Variants in SIK2 observed in about 807,000 individuals in gnomAD.
SIK2 encodes salt inducible kinase 2.
A neutral mutation model predicts 103.2 loss-of-function variants in SIK2; 29 were observed. The ratio of observed to expected loss-of-function variants is 0.28; its 90% CI spans 0.21 to 0.38. The LOEUF (loss-of-function observed/expected upper bound fraction) is 0.38. SIK2 is among the 10% of genes least tolerant of loss of function. SIK2 has a pLI of 1.00. For synonymous variants in SIK2, 412 were observed against 446.1 expected, an observed-to-expected ratio of 0.92 and a Z score of 0.96; for missense variants, 879 against 1,171.0, an observed-to-expected ratio of 0.75 and a Z score of 3.64.
chr11:111,607,111 CA>C, intron 1 of SIK2, among the ~76,000 whole-genome samples: 1 of 152,118 alleles, frequency 6.6e-6, no homozygotes, highest in Non-Finnish European at 1.5e-5. Flanking sequence ...AGCTAAAGAG[CA>C]TGTAAATGTA....
intron 3 of SIK2, among the ~76,000 whole-genome samples, chr11:111,663,453 G>A (rs976847949): frequency 6.6e-6 from 1 of 152,154 alleles, no homozygotes; most frequent in Non-Finnish European, 1.5e-5. Context: ...GGGAGGCGTG[G>A]TGAGGCATGG....
At chr11:111,669,839 A>C (rs1942600786) in intron 3 of SIK2, among the ~76,000 whole-genome samples, 3 of 152,108 alleles carry the variant, frequency 2.0e-5, no homozygotes, top group Non-Finnish European at 4.4e-5. Context: ...CACTGGCCAT[A>C]GTCTATCTTT....
At chr11:111,668,192 G>T (rs892421090) in intron 3 of SIK2, among the ~76,000 whole-genome samples, 3 of 151,816 alleles carry the variant, frequency 2.0e-5, no homozygotes, top group African/African-American at 7.3e-5. Context: ...GTGTGTGTGT[G>T]TGTGTGTGTG....
Position 111,710,445 on chromosome 11 carries a change from T to C in SIK2, c.1102-1766T>C, listed in dbSNP as rs114178963. Among the ~76,000 whole-genome samples, 1,050 of 152,330 alleles carry C rather than the reference T, an allele frequency of 6.9e-3. 13 individuals carry two copies. Among genetic ancestry groups the C allele is most frequent in the African/African-American group, 0.024 (1,006 of 41,574 alleles). ...TATTAATATTGGAATATACCAAATATAAAGTATGTTGAAAATATATTCAGA... is the reference window on the plus strand; with the variant it reads ...TATTAATATTGGAATATACCAAATACAAAGTATGTTGAAAATATATTCAGA... On this transcript the variant is annotated intron_variant, in intron 8 of 14. Coordinates refer to ENST00000304987, the MANE Select transcript of SIK2 (RefSeq NM_015191.3).
rs1944010085 is a variant in SIK2, at chr11:111,727,458, CTT to C, written c.*3330_*3331del. The C allele has an allele frequency of 9.9e-6, 2 of 202,640 alleles. No individual in the cohort carries two copies. Among genetic ancestry groups the C allele is most frequent in the Non-Finnish European group, 2.0e-5 (2 of 99,002 alleles). The allele number at this position is 202,640 out of a possible 1,614,324, so 12.6% of individuals were successfully genotyped here. ...CCAAGACTGAAGCCAGCCCTTGCCT[CTT>C]GTGTCCCTTCCCAACTCTGGTGCTG... On this transcript the variant is annotated 3_prime_UTR_variant, in exon 15 of 15. Coordinates refer to ENST00000304987, the MANE Select transcript of SIK2 (RefSeq NM_015191.3).
chr11:111,618,669 C>G (rs1397125425), intron 2 of SIK2, among the ~76,000 whole-genome samples: 3 of 152,112 alleles, frequency 2.0e-5, no homozygotes, highest in Non-Finnish European at 4.4e-5. Context: ...GAGATCCCAT[C>G]TCTAAAAATA....
At chr11:111,690,272 CT>C (rs67405245) in intron 4 of SIK2, among the ~76,000 whole-genome samples, 38,620 of 130,310 alleles carry the variant, frequency 0.3, 5,418 homozygotes, top group African/African-American at 0.34. Flanking sequence ...GAAGGTCTTT[CT>C]TTTTTTTTTT....
chr11:111,713,405 G>A (rs901078596), intron 9 of SIK2, among the ~76,000 whole-genome samples: 10 of 152,166 alleles, frequency 6.6e-5, no homozygotes, highest in Non-Finnish European at 1.2e-4. Flanking sequence ...CTTGGGCCAC[G>A]TAACAAAACT....
intron 4 of SIK2, among the ~76,000 whole-genome samples, chr11:111,699,187 A>C (rs1055331934): frequency 5.3e-5 from 8 of 152,124 alleles, no homozygotes; most frequent in African/African-American, 1.4e-4. Context: ...CCCTGGCACC[A>C]CCTTTGCCTC....
chr11:111,641,273 A>G (rs572195205), intron 3 of SIK2, among the ~76,000 whole-genome samples: 1 of 152,310 alleles, frequency 6.6e-6, no homozygotes, highest in East Asian at 1.9e-4. Context: ...CCTCAAATCC[A>G]TAACCTGAGC....
intron 3 of SIK2, among the ~76,000 whole-genome samples, chr11:111,682,399 A>T (rs1208252539): frequency 6.6e-6 from 1 of 152,224 alleles, no homozygotes; most frequent in African/African-American, 2.4e-5. Flanking sequence ...CAGAAACAAA[A>T]TAAACAAATA....
rs1944000752 is a variant in SIK2 at position 111,727,194 on chromosome 11, G to A, written c.*3065G>A. 8 of 715,976 alleles carry A rather than the reference G, an allele frequency of 1.1e-5. No homozygotes were observed. The East Asian group carries it at 1.6e-4, about 14-fold the overall frequency. 44.4% of individuals were successfully genotyped at this position (715,976 alleles called of 1,614,324 possible). A position where few individuals can be genotyped will look rare whatever the true frequency, so the allele number is the denominator to read the frequency against. Reference sequence around the variant, plus strand: ...TCTGTCACCGTGGGAAAAGGAGGCTGATGGTTCTCTACACCATCCACCTTG... The same window carrying A: ...TCTGTCACCGTGGGAAAAGGAGGCTAATGGTTCTCTACACCATCCACCTTG... On this transcript the variant is annotated 3_prime_UTR_variant, in exon 15 of 15. Transcript: ENST00000304987.
chr11:111,662,969 A>T (rs1179276845), intron 3 of SIK2, among the ~76,000 whole-genome samples: 2 of 151,908 alleles, frequency 1.3e-5, no homozygotes, highest in African/African-American at 4.8e-5. Context: ...ACAGTGGCTC[A>T]TACCTGTAAT....
At chr11:111,693,993 G>A (rs1362096509) in intron 4 of SIK2, among the ~76,000 whole-genome samples, 1 of 152,176 alleles carries the variant, frequency 6.6e-6, no homozygotes, top group Non-Finnish European at 1.5e-5. Flanking sequence ...TAAAGGGAGA[G>A]TGATAAAAGT....
At chr11:111,721,389 T>C (rs758289300) in intron 12 of SIK2, among the ~76,000 whole-genome samples, 2 of 152,024 alleles carry the variant, frequency 1.3e-5, no homozygotes, top group Non-Finnish European at 2.9e-5. Flanking sequence ...AAATGAAAAA[T>C]ACACAAATGA....
chr11:111,660,406 C>T (rs1287089370), intron 3 of SIK2, among the ~76,000 whole-genome samples: 2 of 152,150 alleles, frequency 1.3e-5, no homozygotes, highest in African/African-American at 4.8e-5. Flanking sequence ...ATTGAGTTTA[C>T]TGCAACTATC....
chr11:111,726,901 T>A lies in SIK2; in HGVS notation c.*2772T>A, dbSNP rs1032240755. 6.5e-7 allele frequency: 1 copy of A among 1,532,992 alleles called. No homozygotes were observed. Among genetic ancestry groups the A allele is most frequent in the Non-Finnish European group, 9.0e-7 (1 of 1,111,826 alleles). 95.0% of individuals were successfully genotyped at this position (1,532,992 alleles called of 1,614,324 possible). A position where few individuals can be genotyped will look rare whatever the true frequency, so the allele number is the denominator to read the frequency against. On this transcript the variant is annotated 3_prime_UTR_variant, in exon 15 of 15. Coordinates refer to ENST00000304987, the MANE Select transcript of SIK2 (RefSeq NM_015191.3). The stretch of plus-strand genomic sequence containing the variant: ...AGATGAACGTGAGGTAAAAATTTCG[T>A]TCGGCAAAAAGTGCAATATGTGTGG...
chr11:111,723,482 T>C lies in SIK2; in HGVS notation c.2148-14T>C. On this transcript the variant is annotated splice_polypyrimidine_tract_variant and intron_variant, in intron 14 of 14. Coordinates refer to ENST00000304987, the MANE Select transcript of SIK2 (RefSeq NM_015191.3). The stretch of plus-strand genomic sequence containing the variant: ...GAAGATTTAAAATTCTTTCCTTTGA[T>C]ATTACCAATTTAGGCTCCAGCAGAA... 6.3e-7 allele frequency: 1 copy of C among 1,578,656 alleles called. No homozygotes were observed.
chr11:111,704,051 A>T (rs981224948), intron 7 of SIK2, among the ~76,000 whole-genome samples: 1 of 152,224 alleles, frequency 6.6e-6, no homozygotes, highest in Non-Finnish European at 1.5e-5. Context: ...AAGAAACATA[A>T]CAAGAAAGAA....
Sources: allele counts gnomAD v4.1 joint callset (sites outside exome capture counted in the v4.1 genomes callset), GRCh38; gene constraint gnomAD v4.1.1; transcripts MANE v1.5; gene names NCBI Gene and HGNC (gene_info 2026-07-23, HGNC 2026-07-21).